Variants in CAMK1D observed in about 807,000 individuals in gnomAD.
CAMK1D encodes the protein calcium/calmodulin dependent protein kinase ID.
Under a neutral mutation model 47.7 loss-of-function variants are expected in CAMK1D, and 9 were observed. That is an observed-to-expected ratio of 0.19 (90% CI 0.11 to 0.33). The LOEUF (loss-of-function observed/expected upper bound fraction) is 0.33. Ranked by LOEUF, CAMK1D falls within the 10% of genes least tolerant of loss-of-function variation. CAMK1D has a pLI of 1.00. For missense variants in CAMK1D, 291 were observed against 488.7 expected, an observed-to-expected ratio of 0.60 and a Z score of 3.81; for synonymous variants, 184 against 184.9, an observed-to-expected ratio of 0.99 and a Z score of 0.04.
intron 6 of CAMK1D, among the ~76,000 whole-genome samples, chr10:12,792,497 C>T (rs983916531): frequency 3.3e-5 from 5 of 152,210 alleles, no homozygotes. Flanking sequence ...CCCCTGCACA[C>T]AATAAAAGAC....
intron 3 of CAMK1D, chr10:12,725,115 G>T (rs1402189880): frequency 6.5e-6 from 1 of 153,796 alleles, no homozygotes; most frequent in Non-Finnish European, 1.5e-5. Flanking sequence ...AGAACCCTCA[G>T]ATCCGCAGTC....
intron 1 of CAMK1D, among the ~76,000 whole-genome samples, chr10:12,424,340 G>A (rs912799006): frequency 2.0e-5 from 3 of 152,016 alleles, no homozygotes; most frequent in Non-Finnish European, 4.4e-5. Context: ...TCCAGTTACA[G>A]TTTTGGCTCT....
At chr10:12,696,309 G>A (rs1387653290) in intron 3 of CAMK1D, among the ~76,000 whole-genome samples, 1 of 151,944 alleles carries the variant, frequency 6.6e-6, no homozygotes, top group South Asian at 2.1e-4. Context: ...GGCCGAGGTG[G>A]GAGGATCACT....
intron 6 of CAMK1D, among the ~76,000 whole-genome samples, chr10:12,800,930 G>A (rs1294778564): frequency 6.6e-6 from 1 of 152,168 alleles, no homozygotes; most frequent in Admixed American, 6.5e-5. Context: ...ATGGTTGTTA[G>A]TGGGTGGTTC....
intron 6 of CAMK1D, among the ~76,000 whole-genome samples, chr10:12,792,252 C>T (rs761377337): frequency 6.6e-6 from 1 of 151,952 alleles, no homozygotes; most frequent in Admixed American, 6.6e-5. Context: ...AATTCTAGGC[C>T]ATAGGCTTGT....
rs765364710 is a variant in CAMK1D at position 12,564,119 on chromosome 10, G to GTCTCTCTC, written c.224+10783_224+10790dup. Among the ~76,000 whole-genome samples the GTCTCTCTC allele has an allele frequency of 3.5e-4, 44 of 127,200 alleles. 1 individual carries two copies. Among genetic ancestry groups the GTCTCTCTC allele is most frequent in the Admixed American group, 4.8e-4 (6 of 12,630 alleles). The allele number at this position is 127,200 out of a possible 152,430, so 83.4% of individuals were successfully genotyped here. On this transcript the variant is annotated intron_variant, in intron 2 of 10. Transcript: ENST00000619168. Reference sequence around the variant, plus strand: ...GATAGATAGATCTGTCTGTCTAGATGTCTCTCTCTCTCTCTCTCTCTCTCT... The same window carrying GTCTCTCTC: ...GATAGATAGATCTGTCTGTCTAGATGTCTCTCTCTCTCTCTCTCTCTCTCTCTCTCTCT...
chr10:12,465,278 A>C (rs1833557759), intron 1 of CAMK1D, among the ~76,000 whole-genome samples: 1 of 152,192 alleles, frequency 6.6e-6, no homozygotes, highest in Non-Finnish European at 1.5e-5. Context: ...TTTTGCATAT[A>C]ATTAAAATTC....
intron 1 of CAMK1D, among the ~76,000 whole-genome samples, chr10:12,411,387 G>A (rs1383663820): frequency 1.3e-5 from 2 of 152,294 alleles, no homozygotes; most frequent in East Asian, 1.9e-4. Context: ...CCTGATCACT[G>A]TGCAGGTTCC....
At chr10:12,610,445 G>A (rs1184262727) in intron 2 of CAMK1D, among the ~76,000 whole-genome samples, 9 of 152,128 alleles carry the variant, frequency 5.9e-5, no homozygotes, top group Non-Finnish European at 5.9e-5. Context: ...CTCAGCAGAT[G>A]TATCTGCTTC....
At chr10:12,615,797 A>G (rs1316050992) in intron 2 of CAMK1D, among the ~76,000 whole-genome samples, 1 of 147,608 alleles carries the variant, frequency 6.8e-6, no homozygotes, top group Non-Finnish European at 1.5e-5. Context: ...GTGTGTAGGT[A>G]TGTGTTGTGT....
chr10:12,363,687 T>TA (rs35876950), intron 1 of CAMK1D, among the ~76,000 whole-genome samples: 3 of 139,282 alleles, frequency 2.2e-5, no homozygotes, highest in Admixed American at 2.1e-4. Context: ...TTTTTTTTTT[T>TA]AAACAGAGTT....
chr10:12,504,357 G>GT (rs1414492206), intron 1 of CAMK1D, among the ~76,000 whole-genome samples: 4 of 152,122 alleles, frequency 2.6e-5, no homozygotes, highest in Non-Finnish European at 5.9e-5. Flanking sequence ...TGGTCATGGT[G>GT]TAAGTCCCAG....
chr10:12,688,631 C>T (rs1832749130), intron 3 of CAMK1D, among the ~76,000 whole-genome samples: 1 of 152,136 alleles, frequency 6.6e-6, no homozygotes. Flanking sequence ...AAAACGCTGG[C>T]AGCATTAGTT....
intron 1 of CAMK1D, among the ~76,000 whole-genome samples, chr10:12,361,338 C>G (rs1837655681): frequency 6.7e-6 from 1 of 150,218 alleles, no homozygotes; most frequent in South Asian, 2.1e-4. Context: ...TCTCTGCCTC[C>G]CAGGTTCAAG....
chr10:12,596,979 G>A (rs915782988), intron 2 of CAMK1D, among the ~76,000 whole-genome samples: 36 of 151,994 alleles, frequency 2.4e-4, no homozygotes, highest in African/African-American at 8.2e-4. Context: ...GATACTCAAG[G>A]TAAATGCTAA....
At chr10:12,364,145 A>G (rs1157310486) in intron 1 of CAMK1D, among the ~76,000 whole-genome samples, 1 of 151,986 alleles carries the variant, frequency 6.6e-6, no homozygotes, top group Non-Finnish European at 1.5e-5. Context: ...AGACAAGGAC[A>G]TGAAGGGTCA....
chr10:12,787,458 C>A lies in CAMK1D; in HGVS notation c.566-3700C>A, dbSNP rs190208655. Among the ~76,000 whole-genome samples the A allele has an allele frequency of 2.1e-3, 327 of 152,274 alleles. 3 individuals are homozygous for A. Among genetic ancestry groups the A allele is most frequent in the African/African-American group, 7.6e-3 (317 of 41,548 alleles). ...TCCCACCATCCACGATGCTGGAGAACTGTGAGCATAGAGCACTCACGAGAA... is the reference window on the plus strand; with the variant it reads ...TCCCACCATCCACGATGCTGGAGAAATGTGAGCATAGAGCACTCACGAGAA... On this transcript the variant is annotated intron_variant, in intron 5 of 10. Coordinates refer to ENST00000619168, the MANE Select transcript of CAMK1D (RefSeq NM_153498.4).
chr10:12,367,324 AGATC>A (rs1837866478), intron 1 of CAMK1D, among the ~76,000 whole-genome samples: 1 of 152,086 alleles, frequency 6.6e-6, no homozygotes. Context: ...TCTTGAGGTT[AGATC>A]AGTGGTCCTC....
intron 2 of CAMK1D, among the ~76,000 whole-genome samples, chr10:12,606,327 CAG>C (rs1445743664): frequency 6.6e-6 from 1 of 152,208 alleles, no homozygotes; most frequent in Non-Finnish European, 1.5e-5. Context: ...GACCCCGGCA[CAG>C]AGTCGGTCAC....
Sources: allele counts gnomAD v4.1 joint callset (sites outside exome capture counted in the v4.1 genomes callset), GRCh38; gene constraint gnomAD v4.1.1; transcripts MANE v1.5; gene names NCBI Gene and HGNC (gene_info 2026-07-23, HGNC 2026-07-21).